GABARAPL1: variants seen among roughly 807,000 people sequenced by gnomAD.
GABARAPL1 encodes GABA type A receptor associated protein like 1.
In GABARAPL1, 4 loss-of-function variants were observed where a neutral mutation model predicts 14.5. The ratio of observed to expected loss-of-function variants is 0.28; its 90% CI spans 0.14 to 0.63. The LOEUF is 0.63. Ranked by LOEUF, GABARAPL1 falls within the 30% of genes least tolerant of loss-of-function variation. The pLI, the probability that GABARAPL1 is intolerant of heterozygous loss-of-function variation, is 0.84. For synonymous variants in GABARAPL1, 47 were observed against 50.6 expected (o/e 0.93, Z 0.30); for missense variants, 82 against 139.2 (o/e 0.59, Z 2.07).
chr12:10,213,912 A>G, intron 1 of GABARAPL1: 2 of 455,402 alleles, frequency 4.4e-6, no homozygotes, highest in Non-Finnish European at 8.8e-6. Flanking sequence ...GCGATAAGGC[A>G]GGACTGAGAC....
chr12:10,217,976 A>T, intron 1 of GABARAPL1, 87 bp from the exon 2 acceptor site: 4 of 783,594 alleles, frequency 5.1e-6, no homozygotes, highest in Non-Finnish European at 9.2e-6. Context: ...CATTTCCAGT[A>T]GTAACTAGGC....
chr12:10,220,474 C>A lies in GABARAPL1; in HGVS notation c.204C>A (p.Ile68=). ...TCTACTTCTTAATCCGGAAGAGAAT[C>A]CACCTGAGACCTGAGGACGCCTTAT... ...GQFYFLIRKR[I]HLRPEDALFF... The change falls in exon 3 of 4, where the codon ATC becomes ATA. Residue 68 remains isoleucine (I), a synonymous_variant. Transcript: ENST00000266458. The A allele has an allele frequency of 6.2e-7, 1 of 1,613,222 alleles. No homozygotes were observed. Among genetic ancestry groups the A allele is most frequent in the Non-Finnish European group, 8.5e-7 (1 of 1,179,956 alleles).
At chr12:10,214,329 G>C (rs1949076152) in intron 1 of GABARAPL1, 2 of 154,578 alleles carry the variant, frequency 1.3e-5, no homozygotes, top group Non-Finnish European at 2.9e-5. Flanking sequence ...GAAGCCACCA[G>C]GGCCTTAGCC....
chr12:10,217,330 T>G (rs1401893882), intron 1 of GABARAPL1, among the ~76,000 whole-genome samples: 1 of 152,222 alleles, frequency 6.6e-6, no homozygotes, highest in African/African-American at 2.4e-5. Flanking sequence ...TGACAAAGAT[T>G]TAAACCACGT....
At position 10,212,930 on chromosome 12, in the gene GABARAPL1, C is replaced by G. The variant is rs572182886; in HGVS notation, c.-200C>G. 18 of 547,144 alleles carry G rather than the reference C, an allele frequency of 3.3e-5. No homozygotes were observed. The South Asian group carries it at 3.7e-4, about 11-fold the overall frequency. 33.9% of individuals were successfully genotyped at this position (547,144 alleles called of 1,614,324 possible). A position where few individuals can be genotyped will look rare whatever the true frequency, so the allele number is the denominator to read the frequency against. ...GCCGCCGGTATTTCTCCATCTGGCT[C>G]TCCTCTACCTCCAGGCAGGCTCACC... On this transcript the variant is annotated 5_prime_UTR_variant, in exon 1 of 4. Transcript: ENST00000266458.
Position 10,220,583 on chromosome 12 carries a change from T to G in GABARAPL1, c.288+25T>G, listed in dbSNP as rs1949115231. ...GGTAATGGTTCTGGTTGCACAATAC[T>G]GGATGCCGTCCAGTGCAGTCTGGCA... On this transcript the variant is annotated intron_variant, in intron 3 of 3. Coordinates refer to ENST00000266458, the MANE Select transcript of GABARAPL1 (RefSeq NM_031412.4). The G allele has an allele frequency of 1.9e-6, 3 of 1,614,028 alleles. No homozygotes were observed. In the East Asian group the frequency reaches 6.7e-5, roughly 36 times the overall value.
At chr12:10,216,537 CTTTT>C (rs71049067) in intron 1 of GABARAPL1, among the ~76,000 whole-genome samples, 2 of 112,202 alleles carry the variant, frequency 1.8e-5, no homozygotes, top group Non-Finnish European at 3.6e-5. Context: ...ATTTTCTTTT[CTTTT>C]TTTTTTTTTT....
rs1007064556 is a variant in GABARAPL1, at chr12:10,213,031, A to G, written c.-99A>G. The G allele has an allele frequency of 9.7e-6, 7 of 721,288 alleles. No individual in the cohort carries two copies. Among genetic ancestry groups the G allele is most frequent in the African/African-American group, 3.5e-5 (2 of 56,930 alleles). The allele number at this position is 721,288 out of a possible 1,614,324, so 44.7% of individuals were successfully genotyped here. ...CCCCGGAGCGGACGTTTCTGCAGCTATTCTGAGCACACCTTGACGTCGGCT... is the reference window on the plus strand; with the variant it reads ...CCCCGGAGCGGACGTTTCTGCAGCTGTTCTGAGCACACCTTGACGTCGGCT... On this transcript the variant is annotated 5_prime_UTR_variant, in exon 1 of 4. Transcript: ENST00000266458.
intron 1 of GABARAPL1, among the ~76,000 whole-genome samples, chr12:10,216,514 C>A (rs1298847449): frequency 1.3e-5 from 2 of 148,450 alleles, no homozygotes; most frequent in African/African-American, 5.0e-5. Flanking sequence ...TATGTTCTAA[C>A]TAAAATGACT....
chr12:10,213,152 A>T lies in GABARAPL1; in HGVS notation c.23A>T (p.Asp8Val). 6.3e-7 allele frequency: 1 copy of T among 1,588,162 alleles called. No homozygotes were observed. Among genetic ancestry groups the T allele is most frequent in the Non-Finnish European group, 8.6e-7 (1 of 1,167,228 alleles). ...ATCATGAAGTTCCAGTACAAGGAGGACCATCCCTTTGAGTATCGGAAAAAG... is the reference window on the plus strand; with the variant it reads ...ATCATGAAGTTCCAGTACAAGGAGGTCCATCCCTTTGAGTATCGGAAAAAG... MKFQYKE[D>V]HPFEYRKKEG... The change falls in exon 1 of 4, where the codon GAC becomes GTC. Residue 8 changes from aspartate to valine, a missense_variant. Physicochemically the swap from Asp to Val is radical, Grantham distance 152 (BLOSUM62 -3). This residue lies in a region of GABARAPL1 where 16 missense variants were observed against 18.0 expected (regional missense o/e 0.89). Transcript: ENST00000266458.
chr12:10,219,784 A>G (rs565918504), intron 2 of GABARAPL1, among the ~76,000 whole-genome samples: 9 of 152,038 alleles, frequency 5.9e-5, no homozygotes, highest in South Asian at 4.1e-4. Context: ...CCTGGGTGAC[A>G]GAGTAGAACT....
chr12:10,220,314 G>T, intron 2 of GABARAPL1, 126 bp from the exon 3 acceptor site: 3 of 1,338,040 alleles, frequency 2.2e-6, no homozygotes, highest in Non-Finnish European at 3.1e-6. Flanking sequence ...TTCTCAGATG[G>T]TATATAAAGC....
chr12:10,216,537 CTTTTTTTTTTTTTT>C (rs71049067), intron 1 of GABARAPL1, among the ~76,000 whole-genome samples: 4 of 112,212 alleles, frequency 3.6e-5, no homozygotes, highest in Non-Finnish European at 1.8e-5. Context: ...ATTTTCTTTT[CTTTTTTTTTTTTTT>C]TTTTTGAGAC....
chr12:10,220,417 C>A (rs748324428), intron 2 of GABARAPL1, 23 bp from the exon 3 acceptor site: 1 of 1,611,624 alleles, frequency 6.2e-7, no homozygotes, highest in Admixed American at 1.7e-5. Flanking sequence ...TCTTTTCTGC[C>A]CTTTTCTTCT....
intron 1 of GABARAPL1, chr12:10,214,296 C>T (rs116106462): frequency 0.013 from 1,967 of 155,806 alleles, 39 homozygotes; most frequent in African/African-American, 0.045. Flanking sequence ...CCTTACCTAA[C>T]GTTCGTGGTT....
intron 2 of GABARAPL1, among the ~76,000 whole-genome samples, chr12:10,218,827 G>T (rs1405882037): frequency 6.6e-6 from 1 of 151,480 alleles, no homozygotes. Flanking sequence ...TCCTGCCTCA[G>T]CCTGCCGAGT....
At chr12:10,220,215 G>A (rs1456709799) in intron 2 of GABARAPL1, among the ~76,000 whole-genome samples, 1 of 152,126 alleles carries the variant, frequency 6.6e-6, no homozygotes, top group Admixed American at 6.6e-5. Flanking sequence ...GGGGAAAGGA[G>A]GAATAAATTC....
chr12:10,220,857 C>T, intron 3 of GABARAPL1: 1 of 1,415,318 alleles, frequency 7.1e-7, no homozygotes, highest in South Asian at 1.6e-5. Context: ...TTCCTGATAG[C>T]AAAAGTTCCA....
Position 10,221,843 on chromosome 12 carries a change from T to C in GABARAPL1, c.345T>C (p.Tyr115=), listed in dbSNP as rs146121739. The change falls in exon 4 of 4, where the codon TAT becomes TAC. Residue 115 remains tyrosine (Y), a synonymous_variant. Transcript: ENST00000266458. Reference sequence around the variant, plus strand: ...TGGCCTACAGTGATGAGAGTGTCTATGGGAAATGAGTGGTTGGAAGCCCAG... The same window carrying C: ...TGGCCTACAGTGATGAGAGTGTCTACGGGAAATGAGTGGTTGGAAGCCCAG... ...LYVAYSDESV[Y]GK is the part of the protein sequence containing the mutation. 3.7e-5 allele frequency: 60 copies of C among 1,613,922 alleles called. No homozygotes were observed. Among genetic ancestry groups the C allele is most frequent in the Non-Finnish European group, 5.0e-5 (59 of 1,179,896 alleles).
Sources: gnomAD v4.1 joint callset for allele counts (sites outside exome capture counted in the v4.1 genomes callset) on GRCh38, gnomAD v4.1.1 for gene constraint, gnomAD v4.1.1 regional missense constraint, MANE v1.5 for transcripts, NCBI Gene and HGNC (gene_info 2026-07-23, HGNC 2026-07-21) for gene names.